NRG3: variants seen among roughly 807,000 people sequenced by gnomAD.
NRG3 encodes the protein neuregulin 3.
A neutral mutation model predicts 66.9 loss-of-function variants in NRG3; 31 were observed. That is an observed-to-expected ratio of 0.46 (90% CI 0.35 to 0.63). The LOEUF (loss-of-function observed/expected upper bound fraction) is 0.63. Ranked by LOEUF, NRG3 falls within the 20% of genes least tolerant of loss-of-function variation. NRG3 has a pLI of 0.00. For synonymous variants in NRG3, 393 were observed against 359.4 expected, an observed-to-expected ratio of 1.09 and a Z score of -1.06; for missense variants, 910 against 878.9, an observed-to-expected ratio of 1.04 and a Z score of -0.45.
chr10:82,309,449 C>T (rs893725952), intron 1 of NRG3, among the ~76,000 whole-genome samples: 21 of 150,358 alleles, frequency 1.4e-4, no homozygotes, highest in African/African-American at 4.9e-4. Flanking sequence ...CTTCATTTTA[C>T]AAATTGCTTT....
At chr10:82,830,300 T>C (rs1174760535) in intron 3 of NRG3, among the ~76,000 whole-genome samples, 1 of 152,218 alleles carries the variant, frequency 6.6e-6, no homozygotes, top group Admixed American at 6.5e-5. Flanking sequence ...CCTAGAACTG[T>C]CCAAAACAAT....
chr10:82,075,970 C>A (rs903313506), intron 1 of NRG3, among the ~76,000 whole-genome samples: 3 of 150,436 alleles, frequency 2.0e-5, no homozygotes, highest in Admixed American at 2.0e-4. Flanking sequence ...AAAAAACGAT[C>A]ATTTAAAGAA....
At chr10:82,863,333 G>A (rs558027320) in intron 3 of NRG3, among the ~76,000 whole-genome samples, 1 of 152,266 alleles carries the variant, frequency 6.6e-6, no homozygotes, top group South Asian at 2.1e-4. Context: ...ATTTGCATGT[G>A]TCTTTATAGC....
intron 3 of NRG3, among the ~76,000 whole-genome samples, chr10:82,804,497 G>C (rs1045654163): frequency 6.6e-6 from 1 of 152,074 alleles, no homozygotes; most frequent in Non-Finnish European, 1.5e-5. Flanking sequence ...ATCCACAGGG[G>C]GTCGAGGATA....
At chr10:82,916,176 G>A (rs955783370) in intron 4 of NRG3, among the ~76,000 whole-genome samples, 8 of 152,184 alleles carry the variant, frequency 5.3e-5, no homozygotes, top group African/African-American at 1.9e-4. Flanking sequence ...CAATGCCTGA[G>A]CACACTGGTT....
At chr10:82,429,742 C>T (rs550561602) in intron 2 of NRG3, among the ~76,000 whole-genome samples, 13 of 152,220 alleles carry the variant, frequency 8.5e-5, no homozygotes, top group African/African-American at 2.6e-4. Context: ...CTTGGCCTCT[C>T]ATCCATCATG....
At chr10:82,008,738 TAAA>T (rs1451009663) in intron 1 of NRG3, among the ~76,000 whole-genome samples, 1 of 152,046 alleles carries the variant, frequency 6.6e-6, no homozygotes, top group Non-Finnish European at 1.5e-5. Context: ...ACAATTTGAA[TAAA>T]AGAAAAAAAT....
At chr10:82,128,921 C>A (rs2068631629) in intron 1 of NRG3, among the ~76,000 whole-genome samples, 1 of 151,856 alleles carries the variant, frequency 6.6e-6, no homozygotes, top group Admixed American at 6.6e-5. Context: ...TTTCGGTACC[C>A]TAAATTTTTG....
rs934653566 is a variant in NRG3, at chr10:81,971,272, T to C, written c.823+95109T>C. Reference sequence around the variant, plus strand: ...AGTCAGATTTGATACTTCTCTCTGTTGGACATGTGGGTATGTAATAGCTTA... The same window carrying C: ...AGTCAGATTTGATACTTCTCTCTGTCGGACATGTGGGTATGTAATAGCTTA... On this transcript the variant is annotated intron_variant, in intron 1 of 8. Transcript: ENST00000372141. Among the ~76,000 whole-genome samples the C allele has an allele frequency of 2.6e-5, 4 of 152,358 alleles. No individual in the cohort carries two copies. The East Asian group carries it at 5.8e-4, about 22-fold the overall frequency.
chr10:82,591,091 T>G (rs1026276801), intron 2 of NRG3, among the ~76,000 whole-genome samples: 1 of 152,128 alleles, frequency 6.6e-6, no homozygotes, highest in African/African-American at 2.4e-5. Context: ...GGGGACCACA[T>G]TTCATATTCT....
At chr10:82,273,627 A>T (rs937486124) in intron 1 of NRG3, among the ~76,000 whole-genome samples, 1 of 152,120 alleles carries the variant, frequency 6.6e-6, no homozygotes, top group South Asian at 2.1e-4. Flanking sequence ...TATCCATTTT[A>T]AAAAATTTTC....
intron 2 of NRG3, among the ~76,000 whole-genome samples, chr10:82,569,054 G>A (rs995758526): frequency 4.0e-5 from 6 of 151,524 alleles, no homozygotes; most frequent in East Asian, 2.0e-4. Context: ...AATATATTCC[G>A]TTAACTCTTA....
chr10:82,568,601 C>G (rs2045555108), intron 2 of NRG3, among the ~76,000 whole-genome samples: 1 of 151,666 alleles, frequency 6.6e-6, no homozygotes, highest in Non-Finnish European at 1.5e-5. Context: ...TAGAGAAGTA[C>G]TCAGAAGAGG....
chr10:82,495,665 C>T (rs530529138), intron 2 of NRG3, among the ~76,000 whole-genome samples: 1 of 152,044 alleles, frequency 6.6e-6, no homozygotes. Context: ...CAAATCTTTA[C>T]AAAATTACAG....
At chr10:81,910,442 A>G (rs1479746327) in intron 1 of NRG3, among the ~76,000 whole-genome samples, 2 of 152,220 alleles carry the variant, frequency 1.3e-5, no homozygotes, top group Admixed American at 6.5e-5. Context: ...GATCAACACT[A>G]ATTTATAAAC....
At chr10:82,227,148 C>T (rs2076206207) in intron 1 of NRG3, among the ~76,000 whole-genome samples, 1 of 152,090 alleles carries the variant, frequency 6.6e-6, no homozygotes, top group Non-Finnish European at 1.5e-5. Context: ...TCCTCATTTC[C>T]ACCCACTGCA....
At chr10:82,078,518 T>C (rs974893732) in intron 1 of NRG3, among the ~76,000 whole-genome samples, 11 of 151,878 alleles carry the variant, frequency 7.2e-5, no homozygotes, top group Non-Finnish European at 1.5e-4. Flanking sequence ...ACCCGGCTAA[T>C]TTTTTGTGTT....
chr10:82,556,475 G>C (rs1367910594), intron 2 of NRG3, among the ~76,000 whole-genome samples: 1 of 152,116 alleles, frequency 6.6e-6, no homozygotes. Context: ...AGTGTGAGAA[G>C]TGGGCATGTG....
At chr10:82,357,595 G>A (rs1196777549) in intron 1 of NRG3, among the ~76,000 whole-genome samples, 1 of 152,186 alleles carries the variant, frequency 6.6e-6, no homozygotes, top group Non-Finnish European at 1.5e-5. Flanking sequence ...GGCATCACAT[G>A]GATAGGGAGT....
Sources: gnomAD v4.1 joint callset for allele counts (sites outside exome capture counted in the v4.1 genomes callset) on GRCh38, gnomAD v4.1.1 for gene constraint, MANE v1.5 for transcripts, NCBI Gene and HGNC (gene_info 2026-07-23, HGNC 2026-07-21) for gene names.